The following HDAC4 variants were observed in gnomAD, a reference collection of about 807,000 sequenced individuals.
HDAC4 encodes histone deacetylase A.
HDAC4 carries 16 observed loss-of-function variants against 135.1 expected under a neutral mutation model. That is an observed-to-expected ratio of 0.12 (90% confidence interval 0.08 to 0.18). The LOEUF (loss-of-function observed/expected upper bound fraction) is 0.18. HDAC4 is among the 10% of genes least tolerant of loss of function. The pLI, the probability that HDAC4 is intolerant of heterozygous loss-of-function variation, is 1.00. For missense variants in HDAC4, 1,143 were observed against 1,511.8 expected, an observed-to-expected ratio of 0.76 and a Z score of 4.05; for synonymous variants, 685 against 653.4, an observed-to-expected ratio of 1.05 and a Z score of -0.74.
intron 22 of HDAC4, among the ~76,000 whole-genome samples, chr2:239,077,919 A>G (rs986848535): frequency 3.3e-5 from 5 of 152,190 alleles, no homozygotes; most frequent in Non-Finnish European, 5.9e-5. Context: ...CAGTTGCTCA[A>G]TTTCAAGGCT....
chr2:239,304,388 G>A (rs1255099541), intron 2 of HDAC4, among the ~76,000 whole-genome samples: 2 of 152,228 alleles, frequency 1.3e-5, no homozygotes, highest in East Asian at 1.9e-4. Flanking sequence ...AATGATACCA[G>A]GTGGTGGCAT....
intron 3 of HDAC4, among the ~76,000 whole-genome samples, chr2:239,226,807 G>A (rs972911056): frequency 1.3e-5 from 2 of 152,250 alleles, no homozygotes; most frequent in African/African-American, 4.8e-5. Flanking sequence ...GGGTGGGGCT[G>A]GCAGGCAGCA....
At chr2:239,269,983 C>T (rs111475338) in intron 2 of HDAC4, among the ~76,000 whole-genome samples, 103 of 135,388 alleles carry the variant, frequency 7.6e-4, no homozygotes, top group African/African-American at 3.2e-3. Context: ...CTTATCTCCC[C>T]GCCCCCCAAA....
chr2:239,316,771 C>T (rs978974308), intron 2 of HDAC4, among the ~76,000 whole-genome samples: 5 of 151,860 alleles, frequency 3.3e-5, no homozygotes, highest in African/African-American at 1.2e-4. Flanking sequence ...ACAAGGCCAC[C>T]CAGGAAAGAA....
At chr2:239,324,551 T>C (rs1006982815) in intron 2 of HDAC4, among the ~76,000 whole-genome samples, 1 of 152,184 alleles carries the variant, frequency 6.6e-6, no homozygotes, top group Non-Finnish European at 1.5e-5. Context: ...CCCACCCGCT[T>C]CAGTGCAGCA....
chr2:239,190,184 G>GC, intron 3 of HDAC4, 107 bp from the exon 4 acceptor site: 6 of 1,245,002 alleles, frequency 4.8e-6, no homozygotes, highest in African/African-American at 1.6e-5. Flanking sequence ...CGGGGGGGGG[G>GC]TTGTGACCAT....
At chr2:239,232,339 C>A (rs1330239510) in intron 3 of HDAC4, among the ~76,000 whole-genome samples, 2 of 152,230 alleles carry the variant, frequency 1.3e-5, no homozygotes, top group Non-Finnish European at 2.9e-5. Context: ...TCTCTCCTGG[C>A]TGACTAATTC....
intron 2 of HDAC4, among the ~76,000 whole-genome samples, chr2:239,348,403 G>C (rs941534295): frequency 5.3e-5 from 8 of 152,242 alleles, no homozygotes; most frequent in Non-Finnish European, 1.2e-4. Flanking sequence ...TGGAGGGACG[G>C]GGTAGTGTTA....
chr2:239,360,435 T>G (rs1053437771), intron 1 of HDAC4, among the ~76,000 whole-genome samples: 1 of 152,228 alleles, frequency 6.6e-6, no homozygotes, highest in South Asian at 2.1e-4. Context: ...CTTCAGGGTC[T>G]GCCCAGGCAC....
chr2:239,245,252 C>T lies in HDAC4; in HGVS notation c.23-8588G>A, dbSNP rs907579978. 2.0e-5 allele frequency among the ~76,000 whole-genome samples: 3 copies of T among 152,100 alleles called. No individual in the cohort carries two copies. The highest frequency in any genetic ancestry group is 4.8e-5 in the African/African-American group (2 of 41,406). ...TGTAGCTGCCGGCTTACAGGAAGTA[C>T]GGGTTTGGCAGAACCTGCTAAAGGA... On this transcript the variant is annotated intron_variant, in intron 2 of 26. Transcript: ENST00000543185. The surrounding 1 kb of genome is among the most constrained non-coding windows in gnomAD (Gnocchi z 4.4).
intron 2 of HDAC4, among the ~76,000 whole-genome samples, chr2:239,276,124 G>A (rs1222898521): frequency 2.0e-5 from 3 of 152,162 alleles, no homozygotes; most frequent in Non-Finnish European, 4.4e-5. Flanking sequence ...CCTGACTCAC[G>A]GCAGACACCG....
chr2:239,224,669 A>G lies in HDAC4; in HGVS notation c.94+11924T>C, dbSNP rs73098742. Among the ~76,000 whole-genome samples the G allele has an allele frequency of 4.7e-3, 723 of 152,298 alleles. 2 individuals carry two copies. Among genetic ancestry groups the G allele is most frequent in the African/African-American group, 0.011 (471 of 41,564 alleles). On this transcript the variant is annotated intron_variant, in intron 3 of 26. Coordinates refer to ENST00000543185, the MANE Select transcript of HDAC4 (RefSeq NM_001378414.1). The stretch of plus-strand genomic sequence containing the variant: ...TCCCAGGGTAACATGAGTACCATGA[A>G]ATAGGGGTCTCTGTGTCAATCATAA...
chr2:239,349,994 C>T lies in HDAC4; in HGVS notation c.22+2684G>A, dbSNP rs886160768. ...ATGGGCAGGACAGGCCCGGGCAGGC[C>T]GGTGATCAAACTGAACCGCAGCGGC... On this transcript the variant is annotated intron_variant, in intron 2 of 26. Transcript: ENST00000543185. The surrounding 1 kb of genome is among the most constrained non-coding windows in gnomAD (Gnocchi z 5.7). Among the ~76,000 whole-genome samples, 9 of 152,128 alleles carry T rather than the reference C, an allele frequency of 5.9e-5. No homozygotes were observed. The highest frequency in any genetic ancestry group is 5.9e-4 in the Admixed American group (9 of 15,266).
intron 3 of HDAC4, among the ~76,000 whole-genome samples, chr2:239,230,084 T>C (rs1354770459): frequency 1.3e-5 from 2 of 152,140 alleles, no homozygotes; most frequent in East Asian, 3.9e-4. Flanking sequence ...CTGCTGTGTC[T>C]GTTTTATCAG....
At chr2:239,254,432 G>C (rs1014270873) in intron 2 of HDAC4, among the ~76,000 whole-genome samples, 1 of 149,482 alleles carries the variant, frequency 6.7e-6, no homozygotes, top group Admixed American at 6.7e-5. Context: ...AAAAAAAAAA[G>C]TTAAATGAAG....
chr2:239,356,057 A>G (rs1297641623), intron 1 of HDAC4, among the ~76,000 whole-genome samples: 1 of 152,196 alleles, frequency 6.6e-6, no homozygotes, highest in Admixed American at 6.5e-5. Flanking sequence ...AGAAAAAAGA[A>G]AAGTTGCAGT....
chr2:239,155,763 T>A (rs2042386816), intron 7 of HDAC4, among the ~76,000 whole-genome samples: 1 of 152,150 alleles, frequency 6.6e-6, no homozygotes, highest in Non-Finnish European at 1.5e-5. Context: ...TAGGCTCTCA[T>A]CTCCAAGAGC....
intron 24 of HDAC4, among the ~76,000 whole-genome samples, chr2:239,064,819 T>G (rs1193273167): frequency 6.6e-6 from 1 of 152,106 alleles, no homozygotes; most frequent in East Asian, 1.9e-4. Context: ...CCCACGCCCA[T>G]GTGCAGGAGG....
intron 24 of HDAC4, among the ~76,000 whole-genome samples, chr2:239,056,908 A>G (rs2031937608): frequency 1.3e-5 from 2 of 152,232 alleles, no homozygotes; most frequent in African/African-American, 4.8e-5. Context: ...AGAAACTCAA[A>G]CATGAACTGA....
Sources: allele counts gnomAD v4.1 joint callset (sites outside exome capture counted in the v4.1 genomes callset), GRCh38; gene constraint gnomAD v4.1.1; non-coding constraint Gnocchi (gnomAD v3.1); transcripts MANE v1.5; gene names NCBI Gene and HGNC (gene_info 2026-07-23, HGNC 2026-07-21).